The following GRB2 variants were observed in gnomAD, a reference collection of about 807,000 sequenced individuals.
GRB2 encodes the protein growth factor receptor bound protein 2, also known as growth factor receptor-bound protein 2.
In GRB2, 2 loss-of-function variants were observed where a neutral mutation model predicts 27.4. That is an observed-to-expected ratio of 0.07 (90% CI 0.03 to 0.23). The LOEUF (loss-of-function observed/expected upper bound fraction) is 0.23, where lower values mean the gene tolerates loss of function less well. GRB2 is among the 10% of genes least tolerant of loss of function. The pLI is 1.00. For missense variants in GRB2, 102 were observed against 282.4 expected (o/e 0.36, Z 4.58); for synonymous variants, 94 against 99.6 (o/e 0.94, Z 0.33).
chr17:75,397,785 G>A (rs1036702710), intron 1 of GRB2, among the ~76,000 whole-genome samples: 12 of 151,860 alleles, frequency 7.9e-5, no homozygotes, highest in African/African-American at 2.7e-4. Flanking sequence ...TAAGTGCTCT[G>A]GATAGAGCCC....
chr17:75,379,748 C>A (rs1218952279), intron 2 of GRB2, among the ~76,000 whole-genome samples: 1 of 152,142 alleles, frequency 6.6e-6, no homozygotes, highest in Non-Finnish European at 1.5e-5. Context: ...AATTTCAGAT[C>A]TTTGTCTTTT....
intron 2 of GRB2, among the ~76,000 whole-genome samples, chr17:75,337,488 A>G (rs1109033): frequency 0.62 from 93,585 of 151,732 alleles, 33,135 homozygotes; most frequent in East Asian, 0.87. Context: ...ATGAGGCTGC[A>G]CCTACAAAGA....
chr17:75,339,239 G>A (rs1229747760), intron 2 of GRB2: 2 of 667,576 alleles, frequency 3.0e-6, no homozygotes, highest in African/African-American at 3.7e-5. Flanking sequence ...TGTTGCCCAG[G>A]CTGGAGTGCA....
chr17:75,341,685 C>A (rs2078622622), intron 2 of GRB2, among the ~76,000 whole-genome samples: 1 of 152,044 alleles, frequency 6.6e-6, no homozygotes, highest in African/African-American at 2.4e-5. Context: ...CTTCCCTCTG[C>A]CTATGAAGGA....
At chr17:75,327,136 C>T (rs1343066530) in intron 3 of GRB2, among the ~76,000 whole-genome samples, 4 of 143,632 alleles carry the variant, frequency 2.8e-5, no homozygotes, top group Non-Finnish European at 4.5e-5. Context: ...GGCACGATCT[C>T]GCTCACTGCA....
intron 1 of GRB2, among the ~76,000 whole-genome samples, chr17:75,396,061 C>T (rs577747299): frequency 1.3e-5 from 2 of 152,172 alleles, no homozygotes; most frequent in South Asian, 4.1e-4. Flanking sequence ...TGGTCTTGAA[C>T]TCCTGGCCTC....
intron 2 of GRB2, among the ~76,000 whole-genome samples, chr17:75,391,239 T>C (rs190461755): frequency 4.5e-4 from 69 of 152,290 alleles, no homozygotes; most frequent in Non-Finnish European, 7.5e-4. Flanking sequence ...CTCAGTTATC[T>C]ACCAAATTGA....
At chr17:75,370,395 C>T (rs1020983778) in intron 2 of GRB2, among the ~76,000 whole-genome samples, 2 of 152,156 alleles carry the variant, frequency 1.3e-5, no homozygotes, top group Non-Finnish European at 2.9e-5. Context: ...GAATTTGTAC[C>T]ACTTGTTCCT....
chr17:75,375,617 C>A (rs1252331787), intron 2 of GRB2, among the ~76,000 whole-genome samples: 2 of 152,160 alleles, frequency 1.3e-5, no homozygotes, highest in Non-Finnish European at 2.9e-5. Context: ...CACAGTGGCT[C>A]ACACCTGTAA....
chr17:75,338,704 A>C (rs1384364635), intron 2 of GRB2: 1 of 457,024 alleles, frequency 2.2e-6, no homozygotes, highest in Admixed American at 3.5e-5. Flanking sequence ...TTTTGCAAAG[A>C]GACTGAAAAT....
intron 1 of GRB2, among the ~76,000 whole-genome samples, chr17:75,394,550 A>G (rs1016918012): frequency 1.6e-4 from 25 of 152,166 alleles, no homozygotes; most frequent in Non-Finnish European, 4.4e-5. Context: ...CCCCACCAGG[A>G]ATGAAATAAA....
intron 2 of GRB2, among the ~76,000 whole-genome samples, chr17:75,392,291 G>A (rs1598255669): frequency 1.3e-5 from 2 of 152,224 alleles, no homozygotes; most frequent in East Asian, 3.8e-4. Flanking sequence ...CTCGAAAAGT[G>A]TGGTGTCACA....
At chr17:75,343,189 T>TC (rs1485201547) in intron 2 of GRB2, among the ~76,000 whole-genome samples, 1 of 151,728 alleles carries the variant, frequency 6.6e-6, no homozygotes, top group Non-Finnish European at 1.5e-5. Flanking sequence ...GTCCTATTAA[T>TC]CCCTCTCAGG....
rs140701411 is a variant in GRB2 at position 75,319,477 on chromosome 17, C to T, written c.*891G>A. 2.8e-5 allele frequency: 4 copies of T among 143,408 alleles called. No individual in the cohort carries two copies. Among genetic ancestry groups the T allele is most frequent in the Non-Finnish European group, 4.5e-5 (3 of 66,158 alleles). The allele number at this position is 143,408 out of a possible 1,614,324, so 8.9% of individuals were successfully genotyped here. On this transcript the variant is annotated 3_prime_UTR_variant, in exon 6 of 6. Transcript: ENST00000316804. The stretch of plus-strand genomic sequence containing the variant: ...TTTTTTTTTTTTTGAGACGGAATCT[C>T]GCTCTGTCACCCAGGCTGGAGTACA...
rs10611022 is a variant in GRB2, at chr17:75,319,316, T to TA, written c.*1051dup. On this transcript the variant is annotated 3_prime_UTR_variant, in exon 6 of 6. Transcript: ENST00000316804. ...TAACTTATTTTAAAACAAAACAAAT[T>TA]AAAAAAAAAAAAAAAACACCACTCA... 0.12 allele frequency: 17,042 copies of TA among 138,878 alleles called. 1,143 individuals are homozygous for TA. Among genetic ancestry groups the TA allele is most frequent in the African/African-American group, 0.21 (7,541 of 35,874 alleles). The allele number at this position is 138,878 out of a possible 1,614,324, so 8.6% of individuals were successfully genotyped here.
rs1358649258 is a variant in GRB2 at position 75,402,196 on chromosome 17, G to T, written c.-138+3293C>A. 2.0e-5 allele frequency among the ~76,000 whole-genome samples: 3 copies of T among 152,168 alleles called. No homozygotes were observed. In the East Asian group the frequency reaches 5.8e-4, roughly 29 times the overall value. On this transcript the variant is annotated intron_variant, in intron 1 of 5. Transcript: ENST00000316804. ...CCTGTAATTTACTGACTATGGTACT[G>T]AGAGTGAAAAACAAAACAGTTATAT...
chr17:75,343,664 G>A (rs2891714), intron 2 of GRB2, among the ~76,000 whole-genome samples: 90,581 of 152,022 alleles, frequency 0.6, 32,345 homozygotes, highest in East Asian at 0.87. Flanking sequence ...TCTGGAGGCA[G>A]TGAAACCTAA....
intron 1 of GRB2, among the ~76,000 whole-genome samples, chr17:75,403,824 T>C (rs747703217): frequency 1.3e-5 from 2 of 151,932 alleles, no homozygotes; most frequent in African/African-American, 2.4e-5. Context: ...ATTATAAGAA[T>C]TAACTCTGGC....
At chr17:75,358,440 T>A (rs1236714657) in intron 2 of GRB2, among the ~76,000 whole-genome samples, 5 of 152,174 alleles carry the variant, frequency 3.3e-5, no homozygotes, top group South Asian at 4.1e-4. Flanking sequence ...CTTTCCATTA[T>A]TTATCTGTGG....
Sources: gnomAD v4.1 joint callset for allele counts (sites outside exome capture counted in the v4.1 genomes callset) on GRCh38, gnomAD v4.1.1 for gene constraint, MANE v1.5 for transcripts, NCBI Gene and HGNC (gene_info 2026-07-23, HGNC 2026-07-21) for gene names.